The following DPH3 variants were observed in gnomAD, a reference collection of about 807,000 sequenced individuals.
The protein encoded by DPH3 is diphthamide biosynthesis protein 3.
In DPH3, 8 loss-of-function variants were observed where a neutral mutation model predicts 10.2. The observed-to-expected ratio is 0.79, with a 90% CI of 0.46 to 1.42. DPH3 has a LOEUF of 1.42. Among genes scored for constraint, DPH3 ranks in the 40% most tolerant of loss-of-function variants. The pLI, the probability that DPH3 is intolerant of heterozygous loss-of-function variation, is 0.00. For missense variants in DPH3, 96 were observed against 98.9 expected (o/e 0.97, Z 0.12); for synonymous variants, 35 against 35.6 (o/e 0.98, Z 0.06).
Position 16,258,041 on chromosome 3 carries a change from T to C in DPH3, c.*2723A>G, listed in dbSNP as rs1215718822. 2 of 151,304 alleles carry C rather than the reference T, an allele frequency of 1.3e-5. No individual in the cohort carries two copies. Among genetic ancestry groups the C allele is most frequent in the Non-Finnish European group, 3.0e-5 (2 of 67,348 alleles). 9.4% of individuals were successfully genotyped at this position (151,304 alleles called of 1,614,324 possible). On this transcript the variant is annotated 3_prime_UTR_variant, in exon 3 of 3. Transcript: ENST00000488423. ...AATTTATTCTGGCAATAAATTAATA[T>C]GTGCAGTTATAAAAAATGTTGGGTA...
chr3:16,264,893 C>A lies in DPH3; in HGVS notation c.-17G>T, dbSNP rs374219730. 6.2e-7 allele frequency: 1 copy of A among 1,613,792 alleles called. No homozygotes were observed. The highest frequency in any genetic ancestry group is 1.7e-5 in the Admixed American group (1 of 60,006). The stretch of plus-strand genomic sequence containing the variant: ...CACTGCCATGGTCAGCGGGGGTGGC[C>A]GAAGGGGTAACGCCCCAGCAGTCCG... On this transcript the variant is annotated 5_prime_UTR_variant, in exon 1 of 3. Coordinates refer to ENST00000488423, the MANE Select transcript of DPH3 (RefSeq NM_206831.3).
At position 16,261,795 on chromosome 3, in the gene DPH3, G is replaced by A. The variant is rs1172029151; in HGVS notation, c.184-966C>T. Among the ~76,000 whole-genome samples, 2 of 152,134 alleles carry A rather than the reference G, an allele frequency of 1.3e-5. No individual in the cohort carries two copies. The highest frequency in any genetic ancestry group is 1.3e-4 in the Admixed American group (2 of 15,274). On this transcript the variant is annotated intron_variant, in intron 2 of 2. Coordinates refer to ENST00000488423, the MANE Select transcript of DPH3 (RefSeq NM_206831.3). The surrounding 1 kb of genome is among the most constrained non-coding windows in gnomAD (Gnocchi z 7.1). ...CCTAGTACCAGAGGGATTGGAAGTG[G>A]GGCTAGTTCCTCCTTTTTGCCTCCA...
rs1333668917 is a variant in DPH3, at chr3:16,262,667, A to G, written c.183+1488T>C. Among the ~76,000 whole-genome samples the G allele has an allele frequency of 6.6e-6, 1 of 152,152 alleles. No homozygotes were observed. The highest frequency in any genetic ancestry group is 1.5e-5 in the Non-Finnish European group (1 of 68,030). ...ACTCCCAAATTGACATTGCTAGCCAATCTCTCTCATGAACGCCAGACATGC... is the reference window on the plus strand; with the variant it reads ...ACTCCCAAATTGACATTGCTAGCCAGTCTCTCTCATGAACGCCAGACATGC... On this transcript the variant is annotated intron_variant, in intron 2 of 2. Coordinates refer to ENST00000488423, the MANE Select transcript of DPH3 (RefSeq NM_206831.3). The surrounding 1 kb of genome is among the most constrained non-coding windows in gnomAD (Gnocchi z 4.7).
rs527288471 is a variant in DPH3 at position 16,257,065 on chromosome 3, G to T, written c.*3699C>A. Among the ~76,000 whole-genome samples, 1 of 152,200 alleles carries T rather than the reference G, an allele frequency of 6.6e-6. No homozygotes were observed. The highest frequency in any genetic ancestry group is 2.4e-5 in the African/African-American group (1 of 41,440). Reference sequence around the variant, plus strand: ...TGAACTCCCCAGGCGCCAGACTCATGAGCCAAATTAACCTTTATTCTTGAT... The same window carrying T: ...TGAACTCCCCAGGCGCCAGACTCATTAGCCAAATTAACCTTTATTCTTGAT... On this transcript the variant is annotated 3_prime_UTR_variant, in exon 3 of 3. Coordinates refer to ENST00000488423, the MANE Select transcript of DPH3 (RefSeq NM_206831.3).
chr3:16,264,928 C>T lies in DPH3; in HGVS notation c.-52G>A. 1 of 1,600,042 alleles carries T rather than the reference C, an allele frequency of 6.2e-7. No individual in the cohort carries two copies. The highest frequency in any genetic ancestry group is 8.5e-7 in the Non-Finnish European group (1 of 1,169,590). On this transcript the variant is annotated 5_prime_UTR_variant, in exon 1 of 3. Transcript: ENST00000488423. ...ACGCCCCAGCAGTCCGAGGCCAGCT[C>T]CGAGGGTTTAACTTCGCCGGAACCG...
intron 1 of DPH3, 88 bp downstream of exon 1, chr3:16,264,681 G>A (rs1321731576): frequency 5.4e-6 from 7 of 1,286,462 alleles, no homozygotes; most frequent in South Asian, 1.3e-5. Flanking sequence ...GTGACACAGC[G>A]CAGCAAAGGC....
rs1042992181 is a variant in DPH3 at position 16,260,001 on chromosome 3, T to C, written c.*763A>G. The C allele has an allele frequency of 6.6e-6, 1 of 152,250 alleles. No homozygotes were observed. Among genetic ancestry groups the C allele is most frequent in the African/African-American group, 2.4e-5 (1 of 41,474 alleles). 9.4% of individuals were successfully genotyped at this position (152,250 alleles called of 1,614,324 possible). On this transcript the variant is annotated 3_prime_UTR_variant, in exon 3 of 3. Coordinates refer to ENST00000488423, the MANE Select transcript of DPH3 (RefSeq NM_206831.3). The stretch of plus-strand genomic sequence containing the variant: ...GGTATGCTTTGCTCCTCTCATTCTG[T>C]CACCAATTTCACTTCTTTTGGATGT...
At position 16,263,639 on chromosome 3, in the gene DPH3, C is replaced by T. The variant is rs533987313; in HGVS notation, c.183+516G>A. Among the ~76,000 whole-genome samples, 1 of 139,932 alleles carries T rather than the reference C, an allele frequency of 7.1e-6. No individual in the cohort carries two copies. The highest frequency in any genetic ancestry group is 1.6e-5 in the Non-Finnish European group (1 of 61,782). 91.8% of individuals were successfully genotyped at this position (139,932 alleles called of 152,430 possible). ...GAACAAAACTTTGGGTAGGAGTGGG[C>T]AGTAATAACATTTTTTTTTTCTATT... is the stretch of plus-strand genomic sequence containing the variant. On this transcript the variant is annotated intron_variant, in intron 2 of 2. Transcript: ENST00000488423. This position sits in a 1 kb window ranked among gnomAD's most constrained non-coding sequence, Gnocchi z 4.0.
chr3:16,264,737 G>A (rs765917087), intron 1 of DPH3, 32 bp downstream of exon 1: 20 of 1,607,484 alleles, frequency 1.2e-5, no homozygotes, highest in Admixed American at 1.7e-5. Flanking sequence ...GCGCTTGCTT[G>A]GGTGAACCGC....
In DPH3 at chr3:16,262,127, T is replaced by G. The variant is rs1296505250; in HGVS notation, c.184-1298A>C. Among the ~76,000 whole-genome samples, 2 of 152,174 alleles carry G rather than the reference T, an allele frequency of 1.3e-5. No homozygotes were observed. Among genetic ancestry groups the G allele is most frequent in the African/African-American group, 4.8e-5 (2 of 41,446 alleles). The stretch of plus-strand genomic sequence containing the variant: ...CTATATTCACTAATGAAGGCTGAAT[T>G]TCTACCACCTTAAACCCTCTCTTGA... On this transcript the variant is annotated intron_variant, in intron 2 of 2. Coordinates refer to ENST00000488423, the MANE Select transcript of DPH3 (RefSeq NM_206831.3). The surrounding 1 kb of genome is among the most constrained non-coding windows in gnomAD (Gnocchi z 4.7).
At chr3:16,264,423 G>A (rs1054518516) in intron 1 of DPH3, 194 bp from the exon 2 acceptor site, 4 of 556,830 alleles carry the variant, frequency 7.2e-6, no homozygotes, top group Non-Finnish European at 1.3e-5. Context: ...GAAACACCTA[G>A]GAAGGTCAGG....
chr3:16,261,639 C>T lies in DPH3; in HGVS notation c.184-810G>A, dbSNP rs545202680. On this transcript the variant is annotated intron_variant, in intron 2 of 2. Coordinates refer to ENST00000488423, the MANE Select transcript of DPH3 (RefSeq NM_206831.3). The surrounding 1 kb of genome is among the most constrained non-coding windows in gnomAD (Gnocchi z 7.1). ...ATCCTGCTAGACATCCTATAATGCA[C>T]GGGGTATCTCTGAACAACAAAGAAT... Among the ~76,000 whole-genome samples the T allele has an allele frequency of 6.6e-6, 1 of 152,262 alleles. No individual in the cohort carries two copies. The highest frequency in any genetic ancestry group is 2.1e-4 in the South Asian group (1 of 4,818).
In DPH3 at chr3:16,264,893, C is replaced by G. The variant is rs374219730; in HGVS notation, c.-17G>C. 4.0e-5 allele frequency: 65 copies of G among 1,613,792 alleles called. No homozygotes were observed. The African/African-American group carries it at 7.3e-4, about 18-fold the overall frequency. The stretch of plus-strand genomic sequence containing the variant: ...CACTGCCATGGTCAGCGGGGGTGGC[C>G]GAAGGGGTAACGCCCCAGCAGTCCG... On this transcript the variant is annotated 5_prime_UTR_variant, in exon 1 of 3. Transcript: ENST00000488423.
chr3:16,264,229 C>T lies in DPH3; in HGVS notation c.109G>A (p.Glu37Lys). 6.2e-7 allele frequency: 1 copy of T among 1,602,052 alleles called. No homozygotes were observed. The highest frequency in any genetic ancestry group is 8.5e-7 in the Non-Finnish European group (1 of 1,172,164). ...ACGTCTTCCCCATTCTCCAAATCTT[C>T]CTACAACGAAATCAAATACCATGTG... is the stretch of plus-strand genomic sequence containing the variant. Reference protein sequence around the residue: ...PCGDNFSITKEDLENGEDVAT... With the variant: ...PCGDNFSITKKDLENGEDVAT... Residue 37 changes from glutamate (E) to lysine (K), a missense_variant and splice_region_variant, in exon 2 of 3, where the codon GAA becomes AAA. Transcript: ENST00000488423.
Position 16,261,434 on chromosome 3 carries a change from T to C in DPH3, c.184-605A>G, listed in dbSNP as rs1037864827. 6.6e-6 allele frequency among the ~76,000 whole-genome samples: 1 copy of C among 152,260 alleles called. No homozygotes were observed. The highest frequency in any genetic ancestry group is 1.5e-5 in the Non-Finnish European group (1 of 68,050). On this transcript the variant is annotated intron_variant, in intron 2 of 2. Transcript: ENST00000488423. The surrounding 1 kb of genome is among the most constrained non-coding windows in gnomAD (Gnocchi z 7.1). The stretch of plus-strand genomic sequence containing the variant: ...GTCCCTGCTACTCTGTTGCCCAATA[T>C]GTGGAACCCTTTCACTGTGCCCTTT...
chr3:16,257,548 C>A lies in DPH3; in HGVS notation c.*3216G>T, dbSNP rs1302672637. Among the ~76,000 whole-genome samples, 2 of 152,170 alleles carry A rather than the reference C, an allele frequency of 1.3e-5. No individual in the cohort carries two copies. The highest frequency in any genetic ancestry group is 2.9e-5 in the Non-Finnish European group (2 of 68,034). On this transcript the variant is annotated 3_prime_UTR_variant, in exon 3 of 3. Transcript: ENST00000488423. ...AGAATGAATGGGTTCACACAGCAACCCTGTCAAAGAGGTACTATGATCCAG... is the reference window on the plus strand; with the variant it reads ...AGAATGAATGGGTTCACACAGCAACACTGTCAAAGAGGTACTATGATCCAG...
At position 16,263,120 on chromosome 3, in the gene DPH3, T is replaced by G. The variant is rs1052584171; in HGVS notation, c.183+1035A>C. Among the ~76,000 whole-genome samples, 3 of 150,278 alleles carry G rather than the reference T, an allele frequency of 2.0e-5. No individual in the cohort carries two copies. The highest frequency in any genetic ancestry group is 7.4e-5 in the African/African-American group (3 of 40,406). ...ATCCCCCAATGGTTCCCTATATCAC[T>G]CACAACAAGAGCCTAAGTCCTTAAA... On this transcript the variant is annotated intron_variant, in intron 2 of 2. Coordinates refer to ENST00000488423, the MANE Select transcript of DPH3 (RefSeq NM_206831.3). The surrounding 1 kb of genome is among the most constrained non-coding windows in gnomAD (Gnocchi z 4.0).
In DPH3 at chr3:16,264,924, A is replaced by AGCCT. The variant is rs748543199; in HGVS notation, c.-49_-48insAGGC. 1 of 1,603,140 alleles carries AGCCT rather than the reference A, an allele frequency of 6.2e-7. No homozygotes were observed. Among genetic ancestry groups the AGCCT allele is most frequent in the South Asian group, 1.1e-5 (1 of 90,426 alleles). On this transcript the variant is annotated 5_prime_UTR_variant, in exon 1 of 3. Coordinates refer to ENST00000488423, the MANE Select transcript of DPH3 (RefSeq NM_206831.3). ...GGTAACGCCCCAGCAGTCCGAGGCCAGCTCCGAGGGTTTAACTTCGCCGGA... is the reference window on the plus strand; with the variant it reads ...GGTAACGCCCCAGCAGTCCGAGGCCAGCCTGCTCCGAGGGTTTAACTTCGCCGGA...
In DPH3 at chr3:16,257,839, C is replaced by T. The variant is rs1173924835; in HGVS notation, c.*2925G>A. 1.3e-5 allele frequency: 2 copies of T among 152,184 alleles called. No homozygotes were observed. The highest frequency in any genetic ancestry group is 4.8e-5 in the African/African-American group (2 of 41,448). The allele number at this position is 152,184 out of a possible 1,614,324, so 9.4% of individuals were successfully genotyped here. On this transcript the variant is annotated 3_prime_UTR_variant, in exon 3 of 3. Transcript: ENST00000488423. ...CCCAAACTGTAGAAATTGGCAATTTCCTTATTTAAAAACTACTGTCCATAA... is the reference window on the plus strand; with the variant it reads ...CCCAAACTGTAGAAATTGGCAATTTTCTTATTTAAAAACTACTGTCCATAA...
Sources: gnomAD v4.1 joint callset for allele counts (sites outside exome capture counted in the v4.1 genomes callset) on GRCh38, gnomAD v4.1.1 for gene constraint, Gnocchi (gnomAD v3.1) non-coding constraint, MANE v1.5 for transcripts, NCBI Gene and HGNC (gene_info 2026-07-23, HGNC 2026-07-21) for gene names.